Variants in COL11A1 observed in about 807,000 individuals in gnomAD.
The protein encoded by COL11A1 is collagen alpha-1(XI) chain.
COL11A1 carries 74 observed loss-of-function variants against 265.2 expected under a neutral mutation model. The observed-to-expected ratio is 0.28, with a 90% confidence interval of 0.23 to 0.34. The LOEUF is 0.34. Among genes scored for constraint, COL11A1 ranks in the 10% least tolerant of loss-of-function variants. The pLI is 1.00. For missense variants in COL11A1, 2,165 were observed against 2,263.6 expected (o/e 0.96, Z 0.88); for synonymous variants, 816 against 727.6 (o/e 1.12, Z -1.96).
chr1:102,899,064 A>C, intron 54 of COL11A1, 70 bp from the exon 55 acceptor site: 1 of 825,988 alleles, frequency 1.2e-6, no homozygotes, highest in Non-Finnish European at 1.8e-6. Context: ...ACTTGTTTAC[A>C]AACACTAAAC....
intron 18 of COL11A1, 113 bp downstream of exon 18, chr1:103,005,725 G>T: frequency 8.3e-7 from 1 of 1,205,640 alleles, no homozygotes; most frequent in Non-Finnish European, 1.2e-6. Context: ...ATTATTAAGT[G>T]GATTCACAAA....
intron 27 of COL11A1, 38 bp from the exon 28 acceptor site, chr1:102,995,946 T>C: frequency 6.2e-7 from 1 of 1,612,184 alleles, no homozygotes; most frequent in Non-Finnish European, 8.5e-7. Context: ...GAATATAACA[T>C]TTCACTTTGA....
At chr1:103,030,876 TACACAG>T (rs1667930683) in intron 5 of COL11A1, 1 of 478,850 alleles carries the variant, frequency 2.1e-6, no homozygotes, top group South Asian at 2.0e-5. Context: ...TATGTGCATA[TACACAG>T]TATACAAGTG....
intron 30 of COL11A1, among the ~76,000 whole-genome samples, chr1:102,985,481 T>G (rs1029685769): frequency 6.6e-6 from 1 of 152,110 alleles, no homozygotes; most frequent in African/African-American, 2.4e-5. Context: ...TTATCACAGC[T>G]TGTTTTACAC....
Position 103,026,280 on chromosome 1 carries a change from T to C in COL11A1, c.833A>G (p.Tyr278Cys). The C allele has an allele frequency of 6.2e-7, 1 of 1,613,834 alleles. No individual in the cohort carries two copies. The highest frequency in any genetic ancestry group is 8.5e-7 in the Non-Finnish European group (1 of 1,179,736). ...EYDYEYGEAE[Y>C]KEAESVTEGP... ...CTCTGTTACACTTTCAGCCTCTTTA[T>C]ACTCTGCTTCCCCATACTCATAGTC... is the stretch of plus-strand genomic sequence containing the variant. The change falls in exon 6 of 67, where the codon TAT becomes TGT. Residue 278 changes from tyrosine (Y) to cysteine (C), a missense_variant. Coordinates refer to ENST00000370096, the MANE Select transcript of COL11A1 (RefSeq NM_001854.4).
At chr1:103,040,349 A>T (rs959839600) in intron 4 of COL11A1, among the ~76,000 whole-genome samples, 1 of 151,406 alleles carries the variant, frequency 6.6e-6, no homozygotes, top group African/African-American at 2.4e-5. Flanking sequence ...ATCTCAAAAT[A>T]TATATTAAAG....
In COL11A1 at chr1:103,017,865, T is replaced by G. The variant is rs1395211426; in HGVS notation, c.1368A>C (p.Pro456=). ...GGGGTCCAGTGGGGCCTTGTAGACC[T>G]GGAGGACCCATAATACCCTATAGAG... ...PAGPAGIMGP[P]GLQGPTGPPG... The change falls in exon 11 of 67, where the codon CCA becomes CCC. Residue 456 remains proline (P), a synonymous_variant. Transcript: ENST00000370096. 3 of 1,613,080 alleles carry G rather than the reference T, an allele frequency of 1.9e-6. No homozygotes were observed.
chr1:103,108,418 T>C lies in COL11A1; in HGVS notation c.-240A>G. On this transcript the variant is annotated 5_prime_UTR_variant, in exon 1 of 67. Transcript: ENST00000370096. ...CCGGGACCCTCCGGCCGCGACCCTC[T>C]GATCCTTCCTCTGCCGGGCCCTGCC... 1 of 607,470 alleles carries C rather than the reference T, an allele frequency of 1.6e-6. No homozygotes were observed. The highest frequency in any genetic ancestry group is 2.9e-5 in the Admixed American group (1 of 34,454). 37.6% of individuals were successfully genotyped at this position (607,470 alleles called of 1,614,324 possible).
rs1449232532 is a variant in COL11A1 at position 102,935,111 on chromosome 1, G to A, written c.3441C>T (p.Gly1147=). Residue 1147 remains glycine, a splice_region_variant and synonymous_variant, in exon 45 of 67, where the codon GGC becomes GGT. Transcript: ENST00000370096. ...KGSKGDKGEN[G]PPGPPGLQGP... ...CTTGAAGACCTGGGGGACCGGGAGG[G>A]CCCTGCAGTGAGATAAAAATAAGTA... is the stretch of plus-strand genomic sequence containing the variant. 6.2e-7 allele frequency: 1 copy of A among 1,613,674 alleles called. No individual in the cohort carries two copies. The highest frequency in any genetic ancestry group is 2.2e-5 in the East Asian group (1 of 44,858).
At chr1:102,901,485 C>T (rs1020565904) in intron 54 of COL11A1, among the ~76,000 whole-genome samples, 1 of 148,190 alleles carries the variant, frequency 6.7e-6, no homozygotes, top group Non-Finnish European at 1.5e-5. Context: ...GCTTATTATA[C>T]ATTACAGAGT....
chr1:103,025,665 G>T, intron 6 of COL11A1, 52 bp from the exon 7 acceptor site: 2 of 1,572,788 alleles, frequency 1.3e-6, no homozygotes, highest in Non-Finnish European at 1.7e-6. Context: ...GATCCCAAAT[G>T]TATGGAAATC....
intron 4 of COL11A1, among the ~76,000 whole-genome samples, chr1:103,047,206 C>A (rs924049840): frequency 6.6e-6 from 1 of 152,158 alleles, no homozygotes; most frequent in African/African-American, 2.4e-5. Flanking sequence ...GCAGTATGGC[C>A]AATTTCACGA....
chr1:103,047,836 C>A (rs1002783849), intron 4 of COL11A1, among the ~76,000 whole-genome samples: 1 of 152,210 alleles, frequency 6.6e-6, no homozygotes, highest in East Asian at 1.9e-4. Context: ...TTGTCAAAGG[C>A]CTTTTCAGCA....
At chr1:103,004,790 C>T (rs1156840994) in intron 18 of COL11A1, 129 bp from the exon 19 acceptor site, 5 of 729,596 alleles carry the variant, frequency 6.9e-6, no homozygotes, top group Non-Finnish European at 4.4e-6. Context: ...ATTTACCCTC[C>T]TCAAAAAATT....
chr1:103,088,208 A>C (rs12140939), intron 1 of COL11A1, among the ~76,000 whole-genome samples: 8,801 of 152,248 alleles, frequency 0.058, 292 homozygotes, highest in Non-Finnish European at 0.078. Flanking sequence ...GCATCATTAC[A>C]GTGTTAAAGA....
At chr1:103,095,853 T>C (rs891721355) in intron 1 of COL11A1, among the ~76,000 whole-genome samples, 2 of 152,024 alleles carry the variant, frequency 1.3e-5, no homozygotes, top group African/African-American at 4.8e-5. Flanking sequence ...CTCTGTATTA[T>C]ATAAAAGCCA....
At chr1:102,880,688 TG>T (rs1003213793) in intron 65 of COL11A1, among the ~76,000 whole-genome samples, 11 of 150,686 alleles carry the variant, frequency 7.3e-5, no homozygotes, top group African/African-American at 2.7e-4. Context: ...CACTTAAATT[TG>T]AAAAAAAAAA....
In COL11A1 at chr1:102,883,427, T is replaced by G. The variant is rs979301565; in HGVS notation, c.4859-116A>C. On this transcript the variant is annotated intron_variant, in intron 63 of 66. Coordinates refer to ENST00000370096, the MANE Select transcript of COL11A1 (RefSeq NM_001854.4). ...AGGAAAATACATATTAATAGATCTT[T>G]TGCCTTTTAAGCTTTTGGGCATATT... 8 of 732,708 alleles carry G rather than the reference T, an allele frequency of 1.1e-5. No individual in the cohort carries two copies. The Admixed American group carries it at 1.2e-4, about 11-fold the overall frequency. 45.4% of individuals were successfully genotyped at this position (732,708 alleles called of 1,614,324 possible).
At chr1:103,067,118 C>CA (rs1295503471) in intron 4 of COL11A1, among the ~76,000 whole-genome samples, 2 of 151,660 alleles carry the variant, frequency 1.3e-5, no homozygotes, top group South Asian at 2.1e-4. Context: ...AACAAGTAGA[C>CA]AAAAAAATAA....
Sources: allele counts gnomAD v4.1 joint callset (sites outside exome capture counted in the v4.1 genomes callset), GRCh38; gene constraint gnomAD v4.1.1; transcripts MANE v1.5; gene names NCBI Gene and HGNC (gene_info 2026-07-23, HGNC 2026-07-21).